Variants in SLC24A2 observed in about 807,000 individuals in gnomAD.
SLC24A2 encodes the protein sodium/potassium/calcium exchanger 2.
Under a neutral mutation model 62.0 loss-of-function variants are expected in SLC24A2, and 36 were observed. The ratio of observed to expected loss-of-function variants is 0.58; its 90% CI spans 0.44 to 0.77. The LOEUF (loss-of-function observed/expected upper bound fraction) is 0.77, where lower values mean the gene tolerates loss of function less well. Ranked by LOEUF, SLC24A2 falls within the 30% of genes least tolerant of loss-of-function variation. The probability of loss-of-function intolerance (pLI) is 0.00; values close to 1 mark genes in which losing one functional copy is unlikely to be tolerated. For synonymous variants in SLC24A2, 358 were observed against 294.0 expected (o/e 1.22, Z -2.23); for missense variants, 846 against 817.9 (o/e 1.03, Z -0.42).
chr9:19,731,982 G>C (rs570639219), intron 2 of SLC24A2, among the ~76,000 whole-genome samples: 5 of 152,320 alleles, frequency 3.3e-5, no homozygotes, highest in African/African-American at 1.2e-4. Flanking sequence ...TACCAGGGTT[G>C]TGAGGATTTG....
At chr9:20,259,032 G>C in the SLC24A2 span, among the ~76,000 whole-genome samples, 2 of 152,110 alleles carry the variant, frequency 1.3e-5, no homozygotes, top group Non-Finnish European at 1.5e-5. Flanking sequence ...CAGAAGGAGA[G>C]AGTCAGAGGG....
At chr9:20,008,853 G>T in the SLC24A2 span, among the ~76,000 whole-genome samples, 1 of 152,130 alleles carries the variant, frequency 6.6e-6, no homozygotes, top group African/African-American at 2.4e-5. Context: ...TGCAGAGAGT[G>T]ATGTTGGCAA....
intron 2 of SLC24A2, among the ~76,000 whole-genome samples, chr9:19,636,283 TC>T (rs1564009412): frequency 1.2e-3 from 90 of 77,818 alleles, no homozygotes; most frequent in Middle Eastern, 6.7e-3. Context: ...CTTCTCTTCT[TC>T]TCTTCTTTTC....
the SLC24A2 span, among the ~76,000 whole-genome samples, chr9:20,000,946 G>A: frequency 6.6e-6 from 1 of 152,122 alleles, no homozygotes; most frequent in Non-Finnish European, 1.5e-5. Flanking sequence ...AGCTTAGAAG[G>A]GTCATCTGAC....
chr9:19,834,705 C>A, the SLC24A2 span, among the ~76,000 whole-genome samples: 22 of 152,156 alleles, frequency 1.4e-4, no homozygotes, highest in East Asian at 2.7e-3. Context: ...CCAACATTCA[C>A]ATTCAGGAAA....
intron 5 of SLC24A2, among the ~76,000 whole-genome samples, chr9:19,590,295 A>G (rs1014528818): frequency 3.9e-5 from 6 of 152,152 alleles, no homozygotes; most frequent in African/African-American, 1.4e-4. Flanking sequence ...AATGTCCCCA[A>G]TCTGACTCAA....
chr9:19,896,143 G>A, the SLC24A2 span, among the ~76,000 whole-genome samples: 1 of 152,098 alleles, frequency 6.6e-6, no homozygotes, highest in South Asian at 2.1e-4. Flanking sequence ...TTCCTTTCAT[G>A]CCTGTTTAAC....
chr9:20,106,183 A>C, the SLC24A2 span, among the ~76,000 whole-genome samples: 9 of 152,276 alleles, frequency 5.9e-5, no homozygotes, highest in African/African-American at 9.6e-5. Flanking sequence ...CAATAACAGG[A>C]TCTGAAATTG....
At chr9:20,180,342 A>AATGGATGTC in the SLC24A2 span, among the ~76,000 whole-genome samples, 4 of 152,170 alleles carry the variant, frequency 2.6e-5, no homozygotes, top group East Asian at 7.7e-4. Flanking sequence ...TCTCTTAATA[A>AATGGATGTC]ATGGATGTCT....
intron 2 of SLC24A2, among the ~76,000 whole-genome samples, chr9:19,723,935 T>A (rs1482449280): frequency 6.6e-6 from 1 of 152,162 alleles, no homozygotes; most frequent in Non-Finnish European, 1.5e-5. Flanking sequence ...CATTTTGCCA[T>A]ACTATTTTTT....
chr9:20,090,564 G>A, the SLC24A2 span, among the ~76,000 whole-genome samples: 13 of 152,022 alleles, frequency 8.6e-5, no homozygotes, highest in South Asian at 4.2e-4. Flanking sequence ...GGATCACACC[G>A]TCAAACCAAA....
the SLC24A2 span, among the ~76,000 whole-genome samples, chr9:20,249,209 G>C: frequency 2.6e-5 from 4 of 152,176 alleles, no homozygotes; most frequent in Non-Finnish European, 5.9e-5. Context: ...GAGCAATTGA[G>C]ATAGTTCATA....
the SLC24A2 span, among the ~76,000 whole-genome samples, chr9:20,187,239 T>C: frequency 1.1e-4 from 16 of 152,348 alleles, no homozygotes; most frequent in South Asian, 2.1e-4. Flanking sequence ...TGTTTTGATA[T>C]GCCCATAGGT....
chr9:19,802,906 T>G, the SLC24A2 span, among the ~76,000 whole-genome samples: 1 of 152,116 alleles, frequency 6.6e-6, no homozygotes, highest in African/African-American at 2.4e-5. Context: ...GTCATGAGGA[T>G]GGACCCCTCA....
At chr9:20,275,070 C>G in the SLC24A2 span, among the ~76,000 whole-genome samples, 3 of 151,716 alleles carry the variant, frequency 2.0e-5, no homozygotes, top group Admixed American at 2.0e-4. Flanking sequence ...ATGATGCGAC[C>G]CAGCAGGAAG....
the SLC24A2 span, among the ~76,000 whole-genome samples, chr9:19,847,876 T>C: frequency 6.6e-6 from 1 of 152,212 alleles, no homozygotes; most frequent in East Asian, 1.9e-4. Flanking sequence ...GGTGAGTTCA[T>C]GGGACCCACA....
chr9:19,595,029 T>C (rs781098427), intron 5 of SLC24A2, among the ~76,000 whole-genome samples: 30 of 152,360 alleles, frequency 2.0e-4, no homozygotes, highest in Middle Eastern at 6.8e-3. Flanking sequence ...GCTATGTATT[T>C]AGAAAATTTA....
At chr9:19,963,817 C>T in the SLC24A2 span, among the ~76,000 whole-genome samples, 3 of 152,106 alleles carry the variant, frequency 2.0e-5, no homozygotes, top group Non-Finnish European at 4.4e-5. Context: ...GTGGCGATTC[C>T]TCGGGGACCT....
At chr9:20,038,834 T>C in the SLC24A2 span, among the ~76,000 whole-genome samples, 1,149 of 152,266 alleles carry the variant, frequency 7.5e-3, 23 homozygotes, top group African/African-American at 0.027. Flanking sequence ...CACAGAATAA[T>C]TTCTGCTGCT....
Sources: gnomAD v4.1 joint callset for allele counts (sites outside exome capture counted in the v4.1 genomes callset) on GRCh38, gnomAD v4.1.1 for gene constraint, MANE v1.5 for transcripts, NCBI Gene and HGNC (gene_info 2026-07-23, HGNC 2026-07-21) for gene names.